KCNU1: variants seen among roughly 807,000 people sequenced by gnomAD.
KCNU1 encodes the protein potassium calcium-activated channel subfamily U member 1.
In KCNU1, 93 loss-of-function variants were observed where a neutral mutation model predicts 126.8. The ratio of observed to expected loss-of-function variants is 0.73; its 90% CI spans 0.62 to 0.87. The LOEUF (loss-of-function observed/expected upper bound fraction) is 0.87. Among genes scored for constraint, KCNU1 ranks in the 40% least tolerant of loss-of-function variants. The pLI, the probability that KCNU1 is intolerant of heterozygous loss-of-function variation, is 0.00. For missense variants in KCNU1, 1,330 were observed against 1,367.1 expected (o/e 0.97, Z 0.43); for synonymous variants, 523 against 494.2 (o/e 1.06, Z -0.77).
chr8:36,822,894 C>T (rs1023557351), intron 10 of KCNU1, among the ~76,000 whole-genome samples: 18 of 152,138 alleles, frequency 1.2e-4, no homozygotes, highest in African/African-American at 3.9e-4. Context: ...GTGTCTTATA[C>T]ATTTTGTATA....
intron 10 of KCNU1, among the ~76,000 whole-genome samples, chr8:36,821,609 G>A (rs1436152826): frequency 6.6e-6 from 1 of 152,132 alleles, no homozygotes; most frequent in Non-Finnish European, 1.5e-5. Flanking sequence ...GTACAAGGGA[G>A]GGATGTGGAT....
intron 22 of KCNU1, among the ~76,000 whole-genome samples, chr8:36,918,091 C>T (rs1808188861): frequency 6.6e-6 from 1 of 152,200 alleles, no homozygotes; most frequent in Non-Finnish European, 1.5e-5. Flanking sequence ...CCGAAAAATA[C>T]TACAGGCAAA....
intron 14 of KCNU1, among the ~76,000 whole-genome samples, chr8:36,838,209 C>T (rs1781601021): frequency 6.6e-6 from 1 of 152,094 alleles, no homozygotes; most frequent in South Asian, 2.1e-4. Context: ...AGGACACTGT[C>T]ATTGTGTTGT....
chr8:36,865,242 A>G (rs932664136), intron 19 of KCNU1, among the ~76,000 whole-genome samples: 9 of 152,112 alleles, frequency 5.9e-5, no homozygotes, highest in Admixed American at 4.6e-4. Context: ...TGATTAAATG[A>G]GATTAGGTAT....
In KCNU1 at chr8:36,878,752, G is replaced by A. The variant is rs574252612; in HGVS notation, c.2009+14231G>A. Among the ~76,000 whole-genome samples, 25 of 149,330 alleles carry A rather than the reference G, an allele frequency of 1.7e-4. No individual in the cohort carries two copies. The South Asian group carries it at 5.1e-3, about 30-fold the overall frequency. On this transcript the variant is annotated intron_variant, in intron 19 of 26. Transcript: ENST00000399881. ...TTTTAAGCATTATCACATCAATTAG[G>A]ACATATGTGTATATTTTATATATAT...
chr8:36,854,100 C>T (rs1265297529), intron 18 of KCNU1, among the ~76,000 whole-genome samples: 1 of 152,090 alleles, frequency 6.6e-6, no homozygotes, highest in Non-Finnish European at 1.5e-5. Context: ...TTTGATTGGT[C>T]ATCCTTTCTA....
rs1415524787 is a variant in KCNU1 at position 36,815,705 on chromosome 8, T to C, written c.995+18T>C. ...GGAAAGAAGTAAGTAGTGTTTTAAG[T>C]ATAATTTCTACAGTTTAAGAAATTC... On this transcript the variant is annotated intron_variant, in intron 9 of 26. Transcript: ENST00000399881. 3.7e-6 allele frequency: 5 copies of C among 1,366,286 alleles called. No individual in the cohort carries two copies. The highest frequency in any genetic ancestry group is 5.1e-6 in the Non-Finnish European group (5 of 971,310). The allele number at this position is 1,366,286 out of a possible 1,614,324, so 84.6% of individuals were successfully genotyped here.
intron 16 of KCNU1, among the ~76,000 whole-genome samples, chr8:36,844,105 G>A (rs191740537): frequency 8.5e-5 from 13 of 152,244 alleles, no homozygotes; most frequent in Admixed American, 2.6e-4. Context: ...GCGGCCAGGC[G>A]CAGTGGCTCA....
chr8:36,897,690 C>T (rs1807252271), intron 19 of KCNU1, among the ~76,000 whole-genome samples: 1 of 152,000 alleles, frequency 6.6e-6, no homozygotes, highest in Non-Finnish European at 1.5e-5. Context: ...GCTATCTCAC[C>T]CTGCACTTCT....
intron 10 of KCNU1, among the ~76,000 whole-genome samples, chr8:36,830,456 T>C (rs1221617830): frequency 6.6e-6 from 1 of 152,060 alleles, no homozygotes; most frequent in Non-Finnish European, 1.5e-5. Flanking sequence ...CTGAGGTGAT[T>C]ATATAAGTGT....
intron 14 of KCNU1, among the ~76,000 whole-genome samples, chr8:36,838,793 CT>C (rs1804847525): frequency 6.6e-6 from 1 of 152,150 alleles, no homozygotes; most frequent in African/African-American, 2.4e-5. Context: ...TGGATTTTAG[CT>C]TACAGGAATT....
intron 24 of KCNU1, chr8:36,923,021 A>T (rs1038899282): frequency 4.3e-6 from 2 of 459,936 alleles, no homozygotes; most frequent in African/African-American, 4.0e-5. Context: ...CCCAGTTTCA[A>T]GGAAGAAGCT....
At chr8:36,886,684 T>C (rs191096208) in intron 19 of KCNU1, among the ~76,000 whole-genome samples, 3 of 152,022 alleles carry the variant, frequency 2.0e-5, no homozygotes, top group Non-Finnish European at 4.4e-5. Flanking sequence ...GTACAAGTGG[T>C]TTTTTGGTTA....
At chr8:36,888,397 C>A (rs1806801577) in intron 19 of KCNU1, 1 of 368,046 alleles carries the variant, frequency 2.7e-6, no homozygotes, top group Admixed American at 3.8e-5. Context: ...CCCTCCCCCA[C>A]AACACCACTC....
chr8:36,906,330 G>A (rs969055962), intron 20 of KCNU1, among the ~76,000 whole-genome samples: 1 of 151,928 alleles, frequency 6.6e-6, no homozygotes, highest in African/African-American at 2.4e-5. Flanking sequence ...GTACAACCGG[G>A]GTGAATCTTT....
In KCNU1 at chr8:36,834,761, G is replaced by T. The variant is rs191452864; in HGVS notation, c.1213-25G>T. On this transcript the variant is annotated intron_variant, in intron 11 of 26. Transcript: ENST00000399881. ...CATTTCCCATGTAATTAACAAGATG[G>T]CTCCTGTCCGATCTTGAAGGGTAGG... 1.3e-5 allele frequency: 19 copies of T among 1,505,192 alleles called. No homozygotes were observed. The East Asian group carries it at 1.6e-4, about 13-fold the overall frequency. 93.2% of individuals were successfully genotyped at this position (1,505,192 alleles called of 1,614,324 possible).
At position 36,816,246 on chromosome 8, in the gene KCNU1, T is replaced by C. The variant is rs12680910; in HGVS notation, c.995+559T>C. 0.019 allele frequency among the ~76,000 whole-genome samples: 2,847 copies of C among 152,248 alleles called. 230 individuals are homozygous for C. In the East Asian group the frequency reaches 0.26, roughly 14 times the overall value. On this transcript the variant is annotated intron_variant, in intron 9 of 26. Transcript: ENST00000399881. The stretch of plus-strand genomic sequence containing the variant: ...TGATTTTTTTTCCTTGCCACAGCCA[T>C]GTGTTCCCAGGAGGAAAATGGAGTG...
chr8:36,840,528 A>G lies in KCNU1; in HGVS notation c.1584A>G (p.Gln528=), dbSNP rs765856736. The G allele has an allele frequency of 2.4e-5, 38 of 1,613,036 alleles. No homozygotes were observed. Among genetic ancestry groups the G allele is most frequent in the South Asian group, 4.4e-5 (4 of 90,948 alleles). ...GCATGAAAAACAAAATTCTGACCCA[A>G]CGTCTCTCTGATGACTTTGCTGGAA... is the stretch of plus-strand genomic sequence containing the variant. The part of the protein sequence containing the change: ...LNSMKNKILT[Q]RLSDDFAGMS... The change falls in exon 15 of 27, where the codon CAA becomes CAG. Residue 528 remains glutamine (Q), a synonymous_variant. Transcript: ENST00000399881.
intron 24 of KCNU1, among the ~76,000 whole-genome samples, chr8:36,924,563 T>A (rs1476681572): frequency 6.6e-6 from 1 of 152,156 alleles, no homozygotes; most frequent in Non-Finnish European, 1.5e-5. Flanking sequence ...ATTGGTAAAG[T>A]GCAAGGCTCC....
Sources: allele counts gnomAD v4.1 joint callset (sites outside exome capture counted in the v4.1 genomes callset), GRCh38; gene constraint gnomAD v4.1.1; transcripts MANE v1.5; gene names NCBI Gene and HGNC (gene_info 2026-07-23, HGNC 2026-07-21).